The following SMIM14 variants were observed in gnomAD, a reference collection of about 807,000 sequenced individuals.
SMIM14 encodes the protein small integral membrane protein 14.
Under a neutral mutation model 12.6 loss-of-function variants are expected in SMIM14, and 5 were observed. That is an observed-to-expected ratio of 0.40 (90% CI 0.21 to 0.83). SMIM14 has a LOEUF of 0.83. Ranked by LOEUF, SMIM14 falls within the 40% of genes least tolerant of loss-of-function variation. SMIM14 has a pLI of 0.37. For missense variants in SMIM14, 86 were observed against 119.1 expected (o/e 0.72, Z 1.29); for synonymous variants, 30 against 40.1 (o/e 0.75, Z 0.95).
At chr4:39,627,785 G>A (rs909544585) in intron 1 of SMIM14, among the ~76,000 whole-genome samples, 4 of 152,238 alleles carry the variant, frequency 2.6e-5, no homozygotes, top group East Asian at 1.9e-4. Flanking sequence ...TTTCCTGGCC[G>A]CAGTTTACTC....
At chr4:39,619,772 ATAATT>A (rs1487767658) in intron 1 of SMIM14, among the ~76,000 whole-genome samples, 18 of 139,312 alleles carry the variant, frequency 1.3e-4, no homozygotes, top group Admixed American at 5.9e-4. Context: ...ATATCAATAA[ATAATT>A]TATTATATAT....
chr4:39,595,841 C>T (rs888423792), intron 2 of SMIM14, among the ~76,000 whole-genome samples: 1 of 151,622 alleles, frequency 6.6e-6, no homozygotes, highest in African/African-American at 2.4e-5. Flanking sequence ...AACTCCTAGA[C>T]TCAAGTGATC....
chr4:39,637,550 C>T (rs1249444417), intron 1 of SMIM14, among the ~76,000 whole-genome samples: 3 of 150,786 alleles, frequency 2.0e-5, no homozygotes, highest in Non-Finnish European at 4.4e-5. Context: ...TGAAACACCT[C>T]AATTAATGAG....
At chr4:39,557,727 A>G (rs1295360099) in intron 3 of SMIM14, among the ~76,000 whole-genome samples, 1 of 152,214 alleles carries the variant, frequency 6.6e-6, no homozygotes, top group Admixed American at 6.5e-5. Flanking sequence ...AAGAACCCAC[A>G]AAGCCACGAA....
intron 1 of SMIM14, among the ~76,000 whole-genome samples, chr4:39,614,481 C>T (rs1291458603): frequency 3.3e-5 from 5 of 151,850 alleles, no homozygotes; most frequent in East Asian, 2.0e-4. Flanking sequence ...CCACCACGCC[C>T]GGCTAATTTT....
intron 1 of SMIM14, among the ~76,000 whole-genome samples, chr4:39,618,907 G>A (rs1239498076): frequency 6.6e-6 from 1 of 151,914 alleles, no homozygotes; most frequent in African/African-American, 2.4e-5. Context: ...GTAGGAAGCA[G>A]CATTATGGAG....
chr4:39,572,460 G>GT lies in SMIM14; in HGVS notation c.78dup (p.Arg27ThrfsTer22). 6.2e-7 allele frequency: 1 copy of GT among 1,607,466 alleles called. No homozygotes were observed. The highest frequency in any genetic ancestry group is 8.5e-7 in the Non-Finnish European group (1 of 1,175,752). On this transcript the variant is annotated frameshift_variant, in exon 3 of 5. Transcript: ENST00000295958. LOFTEE classifies it high-confidence loss of function. ...TCTGTGCAGTAGGACTGGGACTGCC[G>GT]TAACTACAATGAATAAGAAAGGGAA...
chr4:39,568,628 A>G (rs902695805), intron 3 of SMIM14, among the ~76,000 whole-genome samples: 1 of 152,184 alleles, frequency 6.6e-6, no homozygotes, highest in African/African-American at 2.4e-5. Flanking sequence ...CGATCCTAAA[A>G]CATATATTTA....
intron 3 of SMIM14, among the ~76,000 whole-genome samples, chr4:39,557,203 G>A (rs1171455961): frequency 6.6e-6 from 1 of 151,888 alleles, no homozygotes; most frequent in Admixed American, 6.6e-5. Flanking sequence ...GTTGAGACGG[G>A]GTTTCACCAT....
rs778908131 is a variant in SMIM14, at chr4:39,550,885, A to C, written c.*1241T>G. 6.6e-6 allele frequency: 1 copy of C among 151,900 alleles called. No individual in the cohort carries two copies. Among genetic ancestry groups the C allele is most frequent in the Non-Finnish European group, 1.5e-5 (1 of 67,988 alleles). The allele number at this position is 151,900 out of a possible 1,614,324, so 9.4% of individuals were successfully genotyped here. A position where few individuals can be genotyped will look rare whatever the true frequency, so the allele number is the denominator to read the frequency against. ...GGCATTCAAATATCAGTAACCTAACAGGCCCTAATACAGCTTTAAGATTTT... is the reference window on the plus strand; with the variant it reads ...GGCATTCAAATATCAGTAACCTAACCGGCCCTAATACAGCTTTAAGATTTT... On this transcript the variant is annotated 3_prime_UTR_variant, in exon 5 of 5. Coordinates refer to ENST00000295958, the MANE Select transcript of SMIM14 (RefSeq NM_174921.3).
At chr4:39,610,277 G>A (rs942570745) in intron 1 of SMIM14, among the ~76,000 whole-genome samples, 9 of 152,066 alleles carry the variant, frequency 5.9e-5, no homozygotes, top group South Asian at 2.1e-4. Flanking sequence ...GTGAGCCACC[G>A]CGCCTGGTCC....
At chr4:39,602,306 G>T (rs1397573238) in intron 2 of SMIM14, among the ~76,000 whole-genome samples, 1 of 149,574 alleles carries the variant, frequency 6.7e-6, no homozygotes, top group Admixed American at 6.7e-5. Context: ...TATTAGAAAA[G>T]AATATTGGCC....
chr4:39,630,549 A>G (rs572012368), intron 1 of SMIM14, among the ~76,000 whole-genome samples: 1 of 152,360 alleles, frequency 6.6e-6, no homozygotes, highest in South Asian at 2.1e-4. Context: ...AAAAATGCTT[A>G]GAACTACTGT....
chr4:39,584,506 G>T lies in SMIM14; in HGVS notation c.76-12043C>A, dbSNP rs149624599. ...CAAAAAAAAAAAAAAAAAAAAAAAA[G>T]ACAAACAGGCTGGGCGCAGTGGCTC... On this transcript the variant is annotated intron_variant, in intron 2 of 4. Coordinates refer to ENST00000295958, the MANE Select transcript of SMIM14 (RefSeq NM_174921.3). Among the ~76,000 whole-genome samples the T allele has an allele frequency of 4.6e-4, 30 of 65,260 alleles. No homozygotes were observed. In the East Asian group the frequency reaches 7.9e-3, roughly 17 times the overall value. The allele number at this position is 65,260 out of a possible 152,430, so 42.8% of individuals were successfully genotyped here. A position where few individuals can be genotyped will look rare whatever the true frequency, so the allele number is the denominator to read the frequency against.
rs1413743671 is a variant in SMIM14, at chr4:39,553,353, G to A, written c.268-1195C>T. On this transcript the variant is annotated intron_variant, in intron 4 of 4. Coordinates refer to ENST00000295958, the MANE Select transcript of SMIM14 (RefSeq NM_174921.3). ...GCTGGGATTACAGGTGTAAGCCACC[G>A]TGCCCAGCCCACTGTAATGATTTCT... is the stretch of plus-strand genomic sequence containing the variant. Among the ~76,000 whole-genome samples, 5 of 151,864 alleles carry A rather than the reference G, an allele frequency of 3.3e-5. No homozygotes were observed. In the East Asian group the frequency reaches 7.8e-4, roughly 24 times the overall value.
chr4:39,618,297 G>GT (rs1715296593), intron 1 of SMIM14, among the ~76,000 whole-genome samples: 1 of 152,090 alleles, frequency 6.6e-6, no homozygotes, highest in Admixed American at 6.6e-5. Flanking sequence ...ACTGAACACT[G>GT]TAACAGGCAT....
At chr4:39,596,295 A>G (rs1714359149) in intron 2 of SMIM14, among the ~76,000 whole-genome samples, 1 of 152,136 alleles carries the variant, frequency 6.6e-6, no homozygotes, top group Non-Finnish European at 1.5e-5. Context: ...TGGTTTCTCC[A>G]TGTTAGTCAG....
chr4:39,581,688 G>T (rs1713506686), intron 2 of SMIM14, among the ~76,000 whole-genome samples: 1 of 150,062 alleles, frequency 6.7e-6, no homozygotes, highest in Non-Finnish European at 1.5e-5. Context: ...GGGACCACAG[G>T]AGTAGCTCGA....
chr4:39,594,931 C>T lies in SMIM14; in HGVS notation c.75+10140G>A, dbSNP rs1401548354. On this transcript the variant is annotated intron_variant, in intron 2 of 4. Transcript: ENST00000295958. Reference sequence around the variant, plus strand: ...AGGTGCTGGAGAGGATGTGGAGAAACAGGAACACTTTTACACTGTTGGTGG... The same window carrying T: ...AGGTGCTGGAGAGGATGTGGAGAAATAGGAACACTTTTACACTGTTGGTGG... Among the ~76,000 whole-genome samples the T allele has an allele frequency of 1.5e-3, 226 of 150,304 alleles. 1 individual carries two copies. Among genetic ancestry groups the T allele is most frequent in the African/African-American group, 5.1e-3 (208 of 40,626 alleles).
Sources: allele counts gnomAD v4.1 joint callset (sites outside exome capture counted in the v4.1 genomes callset), GRCh38; gene constraint gnomAD v4.1.1; transcripts MANE v1.5; gene names NCBI Gene and HGNC (gene_info 2026-07-23, HGNC 2026-07-21).